Variants in NECTIN2 observed in about 807,000 individuals in gnomAD.
The protein encoded by NECTIN2 is nectin-2.
In NECTIN2, 23 loss-of-function variants were observed where a neutral mutation model predicts 56.9. That is an observed-to-expected ratio of 0.40 (90% CI 0.29 to 0.57). The LOEUF is 0.57. NECTIN2 is among the 20% of genes least tolerant of loss of function. NECTIN2 has a pLI of 0.38. For missense variants in NECTIN2, 587 were observed against 718.3 expected (o/e 0.82, Z 2.09); for synonymous variants, 302 against 313.8 (o/e 0.96, Z 0.40).
chr19:44,858,629 T>C (rs779284663), intron 1 of NECTIN2, among the ~76,000 whole-genome samples: 7 of 151,460 alleles, frequency 4.6e-5, no homozygotes, highest in Non-Finnish European at 1.0e-4. Flanking sequence ...CAGCCTTTTT[T>C]CTTTCTTTCT....
Position 44,873,911 on chromosome 19 carries a change from C to T in NECTIN2, c.776-5C>T, listed in dbSNP as rs749563785. The T allele has an allele frequency of 4.4e-6, 7 of 1,608,094 alleles. No homozygotes were observed. In the East Asian group the frequency reaches 1.1e-4, roughly 26 times the overall value. ...TTGCTGATCCAGTCCCCCCATTTCC[C>T]CCAGACCCTCCTGAAGTGTCCATCT... On this transcript the variant is annotated splice_region_variant and splice_polypyrimidine_tract_variant and intron_variant, in intron 3 of 8. Transcript: ENST00000252483.
In NECTIN2 at chr19:44,882,394, G is replaced by A. The variant is rs371840262; in HGVS notation, c.1196+30G>A. ...GTGATGGGCCCTGAGACGGGGATGGGAGAGGGGTCGAAGAACTGAGGAGTA... is the reference window on the plus strand; with the variant it reads ...GTGATGGGCCCTGAGACGGGGATGGAAGAGGGGTCGAAGAACTGAGGAGTA... On this transcript the variant is annotated intron_variant, in intron 6 of 8. Coordinates refer to ENST00000252483, the MANE Select transcript of NECTIN2 (RefSeq NM_001042724.2). 3.2e-5 allele frequency: 43 copies of A among 1,362,928 alleles called. No individual in the cohort carries two copies. In the Middle Eastern group the frequency reaches 8.5e-4, roughly 27 times the overall value. The allele number at this position is 1,362,928 out of a possible 1,614,324, so 84.4% of individuals were successfully genotyped here.
At chr19:44,861,006 T>C (rs1368211627) in intron 1 of NECTIN2, among the ~76,000 whole-genome samples, 2 of 151,284 alleles carry the variant, frequency 1.3e-5, no homozygotes, top group Admixed American at 1.3e-4. Flanking sequence ...GAAGAGACAT[T>C]TTTCTAAAGA....
Position 44,874,571 on chromosome 19 carries a change from C to T in NECTIN2, c.1042+93C>T, listed in dbSNP as rs980020133. On this transcript the variant is annotated intron_variant, in intron 5 of 8. Coordinates refer to ENST00000252483, the MANE Select transcript of NECTIN2 (RefSeq NM_001042724.2). The surrounding 1 kb of genome is among the most constrained non-coding windows in gnomAD (Gnocchi z 6.3). ...CTTGGGGCTGCACTGGGGGAGGCTG[C>T]GCCGCCGACCTGGGAGGGATGCAGA... is the stretch of plus-strand genomic sequence containing the variant. 9 of 1,495,796 alleles carry T rather than the reference C, an allele frequency of 6.0e-6. No homozygotes were observed. The highest frequency in any genetic ancestry group is 4.7e-5 in the South Asian group (4 of 85,096). The allele number at this position is 1,495,796 out of a possible 1,614,324, so 92.7% of individuals were successfully genotyped here.
At chr19:44,884,152 AT>A (rs1969335988) in intron 6 of NECTIN2, among the ~76,000 whole-genome samples, 1 of 152,090 alleles carries the variant, frequency 6.6e-6, no homozygotes, top group East Asian at 1.9e-4. Context: ...AGTCTGAGGT[AT>A]GCGAGCTATG....
chr19:44,864,021 C>CCCCA (rs775055678), intron 1 of NECTIN2, among the ~76,000 whole-genome samples: 3,123 of 151,292 alleles, frequency 0.021, 55 homozygotes, highest in Non-Finnish European at 0.035. Flanking sequence ...TTCCCCCCCC[C>CCCCA]CAAAAAAAAA....
intron 2 of NECTIN2, among the ~76,000 whole-genome samples, 163 bp from the exon 3 acceptor site, chr19:44,871,687 AGCT>A: frequency 6.6e-6 from 1 of 152,296 alleles, no homozygotes; most frequent in East Asian, 1.9e-4. Flanking sequence ...AACAAGAAAC[AGCT>A]ACAGAGTTGC....
chr19:44,869,164 T>C (rs1969141118), intron 2 of NECTIN2, among the ~76,000 whole-genome samples: 1 of 151,972 alleles, frequency 6.6e-6, no homozygotes. Flanking sequence ...TGTGCAATCA[T>C]TTGTTCTCAT....
At chr19:44,862,241 C>G (rs1397390201) in intron 1 of NECTIN2, among the ~76,000 whole-genome samples, 1 of 151,880 alleles carries the variant, frequency 6.6e-6, no homozygotes, top group Non-Finnish European at 1.5e-5. Flanking sequence ...GGTGAAACCC[C>G]GTCTCTACTA....
At position 44,878,041 on chromosome 19, in the gene NECTIN2, CCA is replaced by C. The variant is rs372479320; in HGVS notation, c.1042+3565_1042+3566del. ...GAAGGGCGGAGGGGCTTCTGCTTCCCCACCCCCCTCCTCCTCCTCCTCCATTC... is the reference window on the plus strand; with the variant it reads ...GAAGGGCGGAGGGGCTTCTGCTTCCCCCCCCCTCCTCCTCCTCCTCCATTC... On this transcript the variant is annotated intron_variant, in intron 5 of 8. Coordinates refer to ENST00000252483, the MANE Select transcript of NECTIN2 (RefSeq NM_001042724.2). Among the ~76,000 whole-genome samples the C allele has an allele frequency of 6.4e-3, 957 of 150,314 alleles. 13 individuals carry two copies. Among genetic ancestry groups the C allele is most frequent in the African/African-American group, 0.021 (861 of 40,864 alleles).
intron 5 of NECTIN2, among the ~76,000 whole-genome samples, chr19:44,877,594 G>T (rs1407475771): frequency 6.6e-6 from 1 of 152,240 alleles, no homozygotes; most frequent in East Asian, 1.9e-4. Flanking sequence ...ACTCAAGAGG[G>T]CAGAATTATC....
intron 2 of NECTIN2, among the ~76,000 whole-genome samples, chr19:44,870,042 G>A (rs1367152524): frequency 6.6e-6 from 1 of 152,198 alleles, no homozygotes; most frequent in Non-Finnish European, 1.5e-5. Flanking sequence ...CAAAGCCTCT[G>A]TCTTCATGAT....
At chr19:44,860,910 G>T (rs889600801) in intron 1 of NECTIN2, among the ~76,000 whole-genome samples, 7 of 151,436 alleles carry the variant, frequency 4.6e-5, no homozygotes, top group Non-Finnish European at 1.0e-4. Context: ...TACTTTAAAT[G>T]GGTGAATTGT....
chr19:44,865,199 T>C lies in NECTIN2; in HGVS notation c.89-72T>C. On this transcript the variant is annotated intron_variant, in intron 1 of 8. Coordinates refer to ENST00000252483, the MANE Select transcript of NECTIN2 (RefSeq NM_001042724.2). This position sits in a 1 kb window ranked among gnomAD's most constrained non-coding sequence, Gnocchi z 5.2. ...TGCATTTCCCGTGGGGCCCCCTTCG[T>C]GGTGGCCCTGCCTGGAGGTGTCTGG... 5 of 1,461,990 alleles carry C rather than the reference T, an allele frequency of 3.4e-6. No individual in the cohort carries two copies. The highest frequency in any genetic ancestry group is 2.8e-6 in the Non-Finnish European group (3 of 1,084,128). 90.6% of individuals were successfully genotyped at this position (1,461,990 alleles called of 1,614,324 possible). A position where few individuals can be genotyped will look rare whatever the true frequency, so the allele number is the denominator to read the frequency against.
intron 5 of NECTIN2, chr19:44,878,440 C>A: frequency 6.3e-7 from 1 of 1,592,450 alleles, no homozygotes; most frequent in East Asian, 2.3e-5. Flanking sequence ...ATGGGGACCC[C>A]GTCTTCTGGA....
At chr19:44,850,054 G>C (rs941076185) in intron 1 of NECTIN2, among the ~76,000 whole-genome samples, 1 of 152,162 alleles carries the variant, frequency 6.6e-6, no homozygotes, top group Non-Finnish European at 1.5e-5. Context: ...AGTGACAGAG[G>C]CCAGGCACAT....
intron 1 of NECTIN2, among the ~76,000 whole-genome samples, chr19:44,847,226 G>C (rs531075111): frequency 6.6e-6 from 1 of 152,312 alleles, no homozygotes; most frequent in East Asian, 1.9e-4. Context: ...CCGAACCTCA[G>C]GGAGTTGGGG....
intron 1 of NECTIN2, among the ~76,000 whole-genome samples, chr19:44,862,247 T>C (rs1339613856): frequency 2.6e-5 from 4 of 151,828 alleles, no homozygotes; most frequent in African/African-American, 7.3e-5. Flanking sequence ...ACCCCGTCTC[T>C]ACTAAAAATA....
intron 1 of NECTIN2, among the ~76,000 whole-genome samples, chr19:44,850,429 G>C (rs544696225): frequency 6.6e-6 from 1 of 152,154 alleles, no homozygotes; most frequent in African/African-American, 2.4e-5. Flanking sequence ...TGTATCACTT[G>C]AGCTCAGGAG....
Sources: gnomAD v4.1 joint callset for allele counts (sites outside exome capture counted in the v4.1 genomes callset) on GRCh38, gnomAD v4.1.1 for gene constraint, Gnocchi (gnomAD v3.1) non-coding constraint, MANE v1.5 for transcripts, NCBI Gene and HGNC (gene_info 2026-07-23, HGNC 2026-07-21) for gene names.